The following AFG2A variants were observed in gnomAD, a reference collection of about 807,000 sequenced individuals.
AFG2A encodes the protein AAA ATPase AFG2A.
the AFG2A span, among the ~76,000 whole-genome samples, chr4:123,294,126 T>C: frequency 6.6e-6 from 1 of 152,170 alleles, no homozygotes; most frequent in Non-Finnish European, 1.5e-5. Context: ...TGGGCTCTGC[T>C]CTTAGCTTCA....
At chr4:122,967,828 T>G in the AFG2A span, among the ~76,000 whole-genome samples, 1 of 152,122 alleles carries the variant, frequency 6.6e-6, no homozygotes, top group Non-Finnish European at 1.5e-5. Flanking sequence ...TGGATTTATT[T>G]TCCTAGATCA....
At chr4:122,997,036 A>G in the AFG2A span, among the ~76,000 whole-genome samples, 2 of 152,150 alleles carry the variant, frequency 1.3e-5, no homozygotes, top group African/African-American at 4.8e-5. Context: ...CATTCTCTGG[A>G]AACATCCTCA....
chr4:122,958,753 A>G, the AFG2A span, among the ~76,000 whole-genome samples: 1 of 152,196 alleles, frequency 6.6e-6, no homozygotes, highest in African/African-American at 2.4e-5. Flanking sequence ...ATTGACCTAT[A>G]GGGCATTAGT....
the AFG2A span, among the ~76,000 whole-genome samples, chr4:123,087,505 A>G: frequency 2.2e-4 from 34 of 152,296 alleles, no homozygotes; most frequent in Middle Eastern, 3.4e-3. Context: ...GCTCTAGTGT[A>G]TTTCACAATG....
At chr4:123,279,664 A>G in the AFG2A span, among the ~76,000 whole-genome samples, 1 of 152,196 alleles carries the variant, frequency 6.6e-6, no homozygotes, top group Admixed American at 6.5e-5. Flanking sequence ...ACTTGTACAT[A>G]TCATGAACCA....
chr4:123,093,832 A>T, the AFG2A span, among the ~76,000 whole-genome samples: 2 of 152,220 alleles, frequency 1.3e-5, no homozygotes, highest in Non-Finnish European at 1.5e-5. Flanking sequence ...TGCCAGCATC[A>T]TCTTTATGTT....
At chr4:123,106,676 G>A in the AFG2A span, among the ~76,000 whole-genome samples, 1 of 152,078 alleles carries the variant, frequency 6.6e-6, no homozygotes, top group Non-Finnish European at 1.5e-5. Flanking sequence ...TGCCTCAGTG[G>A]GCTCAGAACT....
the AFG2A span, among the ~76,000 whole-genome samples, chr4:123,174,044 A>G: frequency 6.6e-6 from 1 of 152,190 alleles, no homozygotes; most frequent in African/African-American, 2.4e-5. Flanking sequence ...AATAGATAAA[A>G]TAGTCCTTAC....
At chr4:123,160,170 G>A in the AFG2A span, among the ~76,000 whole-genome samples, 2 of 151,996 alleles carry the variant, frequency 1.3e-5, no homozygotes, top group Non-Finnish European at 2.9e-5. Context: ...GAAGCCAGTG[G>A]TTATTTATAT....
At chr4:123,118,350 A>AT in the AFG2A span, among the ~76,000 whole-genome samples, 3 of 54,994 alleles carry the variant, frequency 5.5e-5, no homozygotes, top group Middle Eastern at 7.2e-3. Context: ...TATATTATAT[A>AT]TATTATATAT....
At chr4:123,219,873 A>ATT in the AFG2A span, among the ~76,000 whole-genome samples, 2 of 147,000 alleles carry the variant, frequency 1.4e-5, no homozygotes, top group African/African-American at 2.5e-5. Context: ...TTGAAAAAAA[A>ATT]TTTTTTTTTT....
chr4:123,257,965 T>G, the AFG2A span, among the ~76,000 whole-genome samples: 2 of 152,246 alleles, frequency 1.3e-5, no homozygotes, highest in African/African-American at 4.8e-5. Context: ...CTAATTCTTA[T>G]GTAGTGCACT....
At chr4:123,225,838 C>T in the AFG2A span, among the ~76,000 whole-genome samples, 1 of 152,106 alleles carries the variant, frequency 6.6e-6, no homozygotes, top group Non-Finnish European at 1.5e-5. Context: ...TCTTCCTACC[C>T]ATGAGCATGG....
At chr4:122,939,384 G>C in the AFG2A span, among the ~76,000 whole-genome samples, 3 of 151,962 alleles carry the variant, frequency 2.0e-5, no homozygotes, top group African/African-American at 4.8e-5. Context: ...GCCCAGCCGG[G>C]ATATGTTCTT....
the AFG2A span, among the ~76,000 whole-genome samples, chr4:123,006,734 T>C: frequency 6.6e-6 from 1 of 152,190 alleles, no homozygotes; most frequent in Non-Finnish European, 1.5e-5. Context: ...TTCTACTTAC[T>C]GTTTTCAATG....
At chr4:123,063,769 G>A in the AFG2A span, among the ~76,000 whole-genome samples, 2 of 151,728 alleles carry the variant, frequency 1.3e-5, no homozygotes, top group African/African-American at 4.8e-5. Context: ...GAAGAAGAAG[G>A]TTTCAAGAAT....
the AFG2A span, among the ~76,000 whole-genome samples, chr4:123,234,298 C>T: frequency 2.0e-5 from 3 of 152,030 alleles, no homozygotes; most frequent in Non-Finnish European, 4.4e-5. Flanking sequence ...TGCTTACTAC[C>T]ACTCTGACCT....
the AFG2A span, among the ~76,000 whole-genome samples, chr4:123,270,383 G>C: frequency 3.9e-5 from 6 of 152,196 alleles, no homozygotes; most frequent in African/African-American, 1.4e-4. Flanking sequence ...CCAACTCTGT[G>C]GCCTTTACTA....
At chr4:123,123,903 G>A in the AFG2A span, among the ~76,000 whole-genome samples, 1 of 131,210 alleles carries the variant, frequency 7.6e-6, no homozygotes, top group East Asian at 2.4e-4. Context: ...AGTGAGTCGA[G>A]ATCGCGCCAC....
Sources: allele counts gnomAD v4.1 joint callset (sites outside exome capture counted in the v4.1 genomes callset), GRCh38; gene constraint gnomAD v4.1.1; transcripts MANE v1.5; gene names NCBI Gene and HGNC (gene_info 2026-07-23, HGNC 2026-07-21).